Variants in AVEN observed in about 807,000 individuals in gnomAD.
AVEN encodes the protein apoptosis and caspase activation inhibitor.
In AVEN, 41 loss-of-function variants were observed where a neutral mutation model predicts 38.1. That is an observed-to-expected ratio of 1.08 (90% CI 0.84 to 1.40). AVEN has a LOEUF of 1.40. AVEN is among the 40% of genes most tolerant of loss of function. The pLI is 0.00. For synonymous variants in AVEN, 206 were observed against 171.8 expected, an observed-to-expected ratio of 1.20 and a Z score of -1.56; for missense variants, 605 against 438.8, an observed-to-expected ratio of 1.38 and a Z score of -3.38.
chr15:34,019,891 TG>T (rs1236282554), intron 1 of AVEN, among the ~76,000 whole-genome samples: 4 of 152,232 alleles, frequency 2.6e-5, no homozygotes, highest in Admixed American at 6.5e-5. Context: ...GACTATTTAT[TG>T]TAGCAAAACT....
rs1890510614 is a variant in AVEN at position 33,866,447 on chromosome 15, T to C, written c.*166A>G. On this transcript the variant is annotated 3_prime_UTR_variant, in exon 6 of 6. Transcript: ENST00000306730. ...AAATGCAACAAGCTGCTTCAATGTA[T>C]TCTTTCAGATGTCAAACACAGAGGT... 2 of 600,882 alleles carry C rather than the reference T, an allele frequency of 3.3e-6. No homozygotes were observed. The highest frequency in any genetic ancestry group is 4.2e-5 in the South Asian group (2 of 47,762). 37.2% of individuals were successfully genotyped at this position (600,882 alleles called of 1,614,324 possible).
chr15:33,884,469 G>A (rs1477436), intron 2 of AVEN, among the ~76,000 whole-genome samples: 132,224 of 152,154 alleles, frequency 0.87, 57,711 homozygotes, highest in East Asian at 0.99. Flanking sequence ...TAAAGGTGTC[G>A]TACCAATTCC....
At chr15:34,049,833 C>G (rs1380875767) in intron 5 of AVEN, among the ~76,000 whole-genome samples, 1 of 151,600 alleles carries the variant, frequency 6.6e-6, no homozygotes, top group Non-Finnish European at 1.5e-5. Flanking sequence ...AACAGCAGGC[C>G]TCTTGGTGGA....
Position 34,020,771 on chromosome 15 carries a change from C to T in AVEN, c.268-17562G>A, listed in dbSNP as rs550557650. 3.9e-5 allele frequency among the ~76,000 whole-genome samples: 6 copies of T among 152,264 alleles called. No individual in the cohort carries two copies. The South Asian group carries it at 6.2e-4, about 16-fold the overall frequency. On this transcript the variant is annotated intron_variant, in intron 1 of 5. Coordinates refer to ENST00000306730, the MANE Select transcript of AVEN (RefSeq NM_020371.3). ...TGAAATTAGGCCAAATTTCGTAAGA[C>T]ACAAGATATAATCTCCACATAACTT...
chr15:34,044,064 A>G (rs527468889), upstream of AVEN, among the ~76,000 whole-genome samples: 1 of 151,950 alleles, frequency 6.6e-6, no homozygotes, highest in African/African-American at 2.4e-5. Context: ...TTAGCATACA[A>G]GCATGCTGTA....
intron 2 of AVEN, among the ~76,000 whole-genome samples, chr15:33,996,656 T>A (rs1009572145): frequency 6.6e-6 from 1 of 152,106 alleles, no homozygotes; most frequent in Non-Finnish European, 1.5e-5. Context: ...AGGAATAGCA[T>A]CAACATCAAC....
chr15:33,912,888 ATTTT>A (rs34666691), intron 2 of AVEN, among the ~76,000 whole-genome samples: 236 of 144,424 alleles, frequency 1.6e-3, no homozygotes, highest in Middle Eastern at 3.5e-3. Flanking sequence ...AAAAGGCATA[ATTTT>A]TTTTTTTTTT....
chr15:33,927,296 G>A (rs1978500), intron 2 of AVEN, among the ~76,000 whole-genome samples: 98,280 of 151,582 alleles, frequency 0.65, 32,326 homozygotes, highest in East Asian at 0.75. Context: ...AACTTCCTAA[G>A]ACTTAAGTGA....
intron 2 of AVEN, among the ~76,000 whole-genome samples, chr15:33,884,741 T>G (rs1183894392): frequency 6.6e-6 from 1 of 151,958 alleles, no homozygotes; most frequent in African/African-American, 2.4e-5. Flanking sequence ...AGTTCAGAGA[T>G]TACAAGGAAC....
intron 2 of AVEN, among the ~76,000 whole-genome samples, chr15:33,886,388 C>T (rs1257184543): frequency 4.6e-5 from 7 of 152,266 alleles, no homozygotes; most frequent in Middle Eastern, 3.4e-3. Context: ...CTGCAACCTC[C>T]GCCTCCCAGG....
chr15:33,988,680 C>T (rs1896586935), intron 2 of AVEN, among the ~76,000 whole-genome samples: 1 of 152,172 alleles, frequency 6.6e-6, no homozygotes, highest in South Asian at 2.1e-4. Flanking sequence ...ACTGGGTGTG[C>T]TCACTTAACA....
chr15:33,962,977 T>C (rs1246493523), intron 2 of AVEN, among the ~76,000 whole-genome samples: 1 of 142,598 alleles, frequency 7.0e-6, no homozygotes, highest in East Asian at 2.0e-4. Context: ...AGAAGTATAA[T>C]CATTAAGCGG....
chr15:33,975,195 A>G (rs961520667), intron 2 of AVEN, among the ~76,000 whole-genome samples: 4 of 152,138 alleles, frequency 2.6e-5, no homozygotes, highest in African/African-American at 9.7e-5. Flanking sequence ...GACACCTTCT[A>G]AGATATGTTT....
chr15:33,879,012 C>T (rs1361694722), intron 2 of AVEN, among the ~76,000 whole-genome samples: 1 of 151,930 alleles, frequency 6.6e-6, no homozygotes, highest in African/African-American at 2.4e-5. Flanking sequence ...GTAAAAAAGG[C>T]ATGCTATATA....
chr15:33,884,491 T>C (rs1193935506), intron 2 of AVEN, among the ~76,000 whole-genome samples: 1 of 152,206 alleles, frequency 6.6e-6, no homozygotes, highest in African/African-American at 2.4e-5. Context: ...TCACTGTGTT[T>C]ATAATATCCA....
intron 2 of AVEN, among the ~76,000 whole-genome samples, chr15:33,963,284 T>C (rs541814285): frequency 6.6e-6 from 1 of 152,332 alleles, no homozygotes; most frequent in Non-Finnish European, 1.5e-5. Context: ...TTCTATGAGA[T>C]ACCTGTCTAT....
chr15:34,068,116 C>A (rs1900554360), intron 2 of AVEN, among the ~76,000 whole-genome samples: 1 of 142,902 alleles, frequency 7.0e-6, no homozygotes, highest in South Asian at 2.3e-4. Context: ...CCTGCTCTCT[C>A]TGTATGTGTG....
intron 2 of AVEN, among the ~76,000 whole-genome samples, chr15:33,952,496 AC>A (rs1011380827): frequency 1.3e-5 from 2 of 152,200 alleles, no homozygotes; most frequent in Admixed American, 6.5e-5. Flanking sequence ...TGAGTCAGAT[AC>A]CAACATACTC....
At chr15:33,854,469 A>C, downstream of AVEN, 2 of 1,548,768 alleles carry the variant, frequency 1.3e-6, no homozygotes, top group Non-Finnish European at 1.7e-6. Context: ...GCACCTGGAA[A>C]AACAAAATTC....
Sources: gnomAD v4.1 joint callset for allele counts (sites outside exome capture counted in the v4.1 genomes callset) on GRCh38, gnomAD v4.1.1 for gene constraint, MANE v1.5 for transcripts, NCBI Gene and HGNC (gene_info 2026-07-23, HGNC 2026-07-21) for gene names.